The following EPHA6 variants were observed in gnomAD, a reference collection of about 807,000 sequenced individuals.
The protein encoded by EPHA6 is ephrin type-A receptor 6.
EPHA6 carries 50 observed loss-of-function variants against 112.0 expected under a neutral mutation model. That is an observed-to-expected ratio of 0.45 (90% CI 0.36 to 0.56). The LOEUF is 0.56. Ranked by LOEUF, EPHA6 falls within the 20% of genes least tolerant of loss-of-function variation. The pLI, the probability that EPHA6 is intolerant of heterozygous loss-of-function variation, is 0.00. For synonymous variants in EPHA6, 529 were observed against 490.7 expected, an observed-to-expected ratio of 1.08 and a Z score of -1.03; for missense variants, 1,280 against 1,417.4, an observed-to-expected ratio of 0.90 and a Z score of 1.56.
At chr3:97,352,606 C>T (rs2083869671) in intron 5 of EPHA6, among the ~76,000 whole-genome samples, 2 of 152,180 alleles carry the variant, frequency 1.3e-5, no homozygotes. Context: ...TAGATCAGCC[C>T]TAGCTAGAGG....
At chr3:97,665,465 T>C (rs2029936800) in intron 14 of EPHA6, among the ~76,000 whole-genome samples, 1 of 152,182 alleles carries the variant, frequency 6.6e-6, no homozygotes, top group African/African-American at 2.4e-5. Flanking sequence ...TTTAGAAAGA[T>C]TGATAAGGCA....
At position 97,641,598 on chromosome 3, in the gene EPHA6, G is replaced by T. The variant is rs538983068; in HGVS notation, c.2784+3516G>T. The stretch of plus-strand genomic sequence containing the variant: ...AGTGGGTGCAGCGCACCATGCGCGA[G>T]CCGAAGCAGAGCGAGGCATTGCCTC... On this transcript the variant is annotated intron_variant, in intron 14 of 17. Coordinates refer to ENST00000389672, the MANE Select transcript of EPHA6 (RefSeq NM_001080448.3). 9.8e-5 allele frequency among the ~76,000 whole-genome samples: 15 copies of T among 152,374 alleles called. No homozygotes were observed. In the East Asian group the frequency reaches 2.9e-3, roughly 29 times the overall value.
intron 2 of EPHA6, among the ~76,000 whole-genome samples, chr3:96,908,332 A>T (rs2039043690): frequency 6.6e-6 from 1 of 151,982 alleles, no homozygotes; most frequent in Admixed American, 6.6e-5. Flanking sequence ...TATATATATT[A>T]TAGGAATAAA....
chr3:97,480,236 T>C (rs1055489652), intron 9 of EPHA6, among the ~76,000 whole-genome samples: 10 of 149,104 alleles, frequency 6.7e-5, no homozygotes, highest in African/African-American at 1.3e-4. Flanking sequence ...TATTTATTTA[T>C]TTTTTTTAGT....
intron 3 of EPHA6, among the ~76,000 whole-genome samples, chr3:97,016,251 A>G (rs2044263190): frequency 6.6e-6 from 1 of 152,148 alleles, no homozygotes; most frequent in Non-Finnish European, 1.5e-5. Context: ...TAAACAATTA[A>G]TGTATCTTCC....
chr3:97,196,747 T>A (rs1386775877), intron 3 of EPHA6, among the ~76,000 whole-genome samples: 1 of 151,974 alleles, frequency 6.6e-6, no homozygotes, highest in Admixed American at 6.6e-5. Context: ...AGAAGTCCTG[T>A]CTCGGTGGTC....
chr3:97,258,240 G>GTATA lies in EPHA6; in HGVS notation c.1606+13962_1606+13965dup, dbSNP rs563790734. On this transcript the variant is annotated intron_variant, in intron 5 of 17. Coordinates refer to ENST00000389672, the MANE Select transcript of EPHA6 (RefSeq NM_001080448.3). ...AAATAAATTAGGTGATTGTGTATGA[G>GTATA]TATATATATATACACACACACACAC... is the stretch of plus-strand genomic sequence containing the variant. Among the ~76,000 whole-genome samples the GTATA allele has an allele frequency of 3.1e-3, 463 of 148,358 alleles. 4 individuals are homozygous for GTATA. Among genetic ancestry groups the GTATA allele is most frequent in the African/African-American group, 0.01 (392 of 38,722 alleles).
At chr3:96,992,468 T>G (rs1190436491) in intron 3 of EPHA6, among the ~76,000 whole-genome samples, 1 of 152,204 alleles carries the variant, frequency 6.6e-6, no homozygotes, top group Non-Finnish European at 1.5e-5. Flanking sequence ...CAACTGCAGT[T>G]ATTTGGAGGT....
intron 3 of EPHA6, among the ~76,000 whole-genome samples, chr3:97,223,288 T>A (rs1374335242): frequency 6.6e-6 from 1 of 152,204 alleles, no homozygotes; most frequent in Non-Finnish European, 1.5e-5. Context: ...GTATCAGATG[T>A]GAAGTTCTTT....
At chr3:97,328,785 T>G (rs2082615234) in intron 5 of EPHA6, among the ~76,000 whole-genome samples, 1 of 152,074 alleles carries the variant, frequency 6.6e-6, no homozygotes, top group Admixed American at 6.6e-5. Context: ...TCCTAAATTC[T>G]GAAGTTTTTC....
intron 7 of EPHA6, among the ~76,000 whole-genome samples, chr3:97,450,773 A>G (rs1185772521): frequency 6.6e-6 from 1 of 152,102 alleles, no homozygotes; most frequent in Non-Finnish European, 1.5e-5. Context: ...ATAAAAAATA[A>G]TAATAAGAGC....
At chr3:96,815,425 G>A (rs934580889) in intron 1 of EPHA6, among the ~76,000 whole-genome samples, 11 of 151,654 alleles carry the variant, frequency 7.3e-5, no homozygotes, top group African/African-American at 2.4e-4. Context: ...GGGTGCTCCC[G>A]CTGTACCCCG....
chr3:97,316,336 A>G (rs1266227563), intron 5 of EPHA6, among the ~76,000 whole-genome samples: 1 of 151,854 alleles, frequency 6.6e-6, no homozygotes, highest in Non-Finnish European at 1.5e-5. Context: ...AAAAAGTCTT[A>G]AGATGAAAAC....
At chr3:97,051,036 A>G (rs1440950564) in intron 3 of EPHA6, among the ~76,000 whole-genome samples, 3 of 152,188 alleles carry the variant, frequency 2.0e-5, no homozygotes, top group Non-Finnish European at 2.9e-5. Flanking sequence ...CAGAAAGAAT[A>G]AGTTTACCCA....
At chr3:96,843,371 G>T (rs897436986) in intron 1 of EPHA6, among the ~76,000 whole-genome samples, 6 of 152,032 alleles carry the variant, frequency 3.9e-5, no homozygotes, top group Admixed American at 6.6e-5. Flanking sequence ...AGTTAAGGGA[G>T]TATGGAGTAT....
At chr3:97,682,599 C>T (rs565473634) in intron 14 of EPHA6, among the ~76,000 whole-genome samples, 1 of 152,200 alleles carries the variant, frequency 6.6e-6, no homozygotes, top group Admixed American at 6.6e-5. Context: ...AATCCTTTTG[C>T]AGAAGTAATG....
intron 16 of EPHA6, among the ~76,000 whole-genome samples, chr3:97,742,511 T>C (rs2035547176): frequency 6.6e-6 from 1 of 152,162 alleles, no homozygotes; most frequent in African/African-American, 2.4e-5. Flanking sequence ...TATTTTTCAC[T>C]AGTTATCAGC....
intron 4 of EPHA6, among the ~76,000 whole-genome samples, chr3:97,226,628 T>C (rs956089196): frequency 6.6e-6 from 1 of 152,212 alleles, no homozygotes; most frequent in African/African-American, 2.4e-5. Flanking sequence ...CAAAATTCAT[T>C]TGGATTCATG....
At chr3:96,894,628 G>A (rs758051724) in intron 2 of EPHA6, among the ~76,000 whole-genome samples, 7 of 151,978 alleles carry the variant, frequency 4.6e-5, no homozygotes, top group Non-Finnish European at 8.8e-5. Context: ...GAAGACAATC[G>A]AGTTTGTCCG....
Sources: allele counts gnomAD v4.1 joint callset (sites outside exome capture counted in the v4.1 genomes callset), GRCh38; gene constraint gnomAD v4.1.1; transcripts MANE v1.5; gene names NCBI Gene and HGNC (gene_info 2026-07-23, HGNC 2026-07-21).